The following PHGDH variants were observed in gnomAD, a reference collection of about 807,000 sequenced individuals.
The protein encoded by PHGDH is phosphoglycerate dehydrogenase.
PHGDH carries 50 observed loss-of-function variants against 52.6 expected under a neutral mutation model. The ratio of observed to expected loss-of-function variants is 0.95; its 90% CI spans 0.76 to 1.20. The LOEUF (loss-of-function observed/expected upper bound fraction) is 1.20. Ranked by LOEUF, PHGDH falls within the 50% of genes most tolerant of loss-of-function variation. The pLI, the probability that PHGDH is intolerant of heterozygous loss-of-function variation, is 0.00. For synonymous variants in PHGDH, 271 were observed against 280.5 expected (o/e 0.97, Z 0.34); for missense variants, 630 against 684.6 (o/e 0.92, Z 0.89).
chr1:119,720,437 G>A (rs1651096315), intron 1 of PHGDH: 1 of 152,232 alleles, frequency 6.6e-6, no homozygotes, highest in Non-Finnish European at 1.5e-5. Context: ...CATTTATTGA[G>A]TGCCTTCCCT....
intron 1 of PHGDH, 47 bp downstream of exon 1, chr1:119,712,207 G>C: frequency 6.3e-7 from 1 of 1,583,310 alleles, no homozygotes; most frequent in Middle Eastern, 1.9e-4. Flanking sequence ...AACCTCCATG[G>C]AAAAAGGCTG....
At chr1:119,735,088 T>C in intron 6 of PHGDH, 1 of 702,662 alleles carries the variant, frequency 1.4e-6, no homozygotes, top group South Asian at 1.7e-5. Flanking sequence ...AAGATGTTTC[T>C]AAACTGAGTC....
In PHGDH at chr1:119,742,824, C is replaced by T. The variant is rs768582720; in HGVS notation, c.1227C>T (p.Ser409=). The change falls in exon 11 of 12, where the codon AGC becomes AGT. Residue 409 remains serine, a synonymous_variant. Coordinates refer to ENST00000641023, the MANE Select transcript of PHGDH (RefSeq NM_006623.4). ...CCACACAGGTCACCACCTCCCACAG[C>T]CCTGCTGCACCAGGGGAGCAAGGCT... ...EAGLNVTTSH[S]PAAPGEQGFG... The T allele has an allele frequency of 4.3e-6, 7 of 1,610,446 alleles. No individual in the cohort carries two copies. In the Admixed American group the frequency reaches 1.0e-4, roughly 23 times the overall value.
In PHGDH at chr1:119,721,300, G is replaced by A; in HGVS notation, c.269G>A (p.Arg90Lys). Residue 90 changes from arginine (R) to lysine (K), a missense_variant, in exon 2 of 12, where the codon AGG (arginine) becomes AAG (lysine). Physicochemically the swap from Arg to Lys is conservative, Grantham distance 26. Transcript: ENST00000641023. ...AATGTGGATCTGGAGGCCGCAACAA[G>A]GAAGGGCATCTTGGTTATGAAGTAA... is the stretch of plus-strand genomic sequence containing the variant. ...VDNVDLEAAT[R>K]KGILVMNTPN... is the part of the protein sequence containing the mutation. 1.2e-6 allele frequency: 2 copies of A among 1,614,134 alleles called. No individual in the cohort carries two copies. Among genetic ancestry groups the A allele is most frequent in the South Asian group, 2.2e-5 (2 of 91,084 alleles).
chr1:119,743,122 C>T lies in PHGDH; in HGVS notation c.1447+78C>T, dbSNP rs587724277. 3.8e-5 allele frequency: 34 copies of T among 899,444 alleles called. 1 individual carries two copies. The South Asian group carries it at 3.8e-4, about 10-fold the overall frequency. The allele number at this position is 899,444 out of a possible 1,614,324, so 55.7% of individuals were successfully genotyped here. ...TGCCCTGGAATTGAACTCTACCCAC[C>T]TTCCTTTAGCCCCTCTTCATGTCCC... On this transcript the variant is annotated intron_variant, in intron 11 of 11. Coordinates refer to ENST00000641023, the MANE Select transcript of PHGDH (RefSeq NM_006623.4).
chr1:119,712,299 A>C, intron 1 of PHGDH, 139 bp downstream of exon 1: 14 of 707,840 alleles, frequency 2.0e-5, no homozygotes, highest in East Asian at 3.1e-5. Flanking sequence ...GGGGGTAGAG[A>C]AGAACGGGGG....
At chr1:119,743,239 C>A (rs1652295108) in intron 11 of PHGDH, among the ~76,000 whole-genome samples, 195 bp downstream of exon 11, 1 of 152,236 alleles carries the variant, frequency 6.6e-6, no homozygotes, top group African/African-American at 2.4e-5. Context: ...AGGGAAAGTG[C>A]CTTATCCAGG....
intron 5 of PHGDH, among the ~76,000 whole-genome samples, chr1:119,731,613 T>C (rs1651695541): frequency 6.6e-6 from 1 of 152,190 alleles, no homozygotes; most frequent in Non-Finnish European, 1.5e-5. Context: ...GTGCTTGAAA[T>C]GACTCTGCAG....
intron 5 of PHGDH, 64 bp from the exon 6 acceptor site, chr1:119,734,570 C>A: frequency 6.8e-7 from 1 of 1,460,302 alleles, no homozygotes; most frequent in Non-Finnish European, 9.6e-7. Context: ...GTTTGCCATT[C>A]TTAATAATAA....
chr1:119,743,360 A>T (rs1160049748), intron 11 of PHGDH, among the ~76,000 whole-genome samples: 12 of 152,326 alleles, frequency 7.9e-5, no homozygotes, highest in Admixed American at 7.8e-4. Flanking sequence ...GCCATAGCCC[A>T]GGAGCTCAGG....
Position 119,743,885 on chromosome 1 carries a change from G to T in PHGDH, c.1448-1G>T. 1 of 1,612,022 alleles carries T rather than the reference G, an allele frequency of 6.2e-7. No individual in the cohort carries two copies. Among genetic ancestry groups the T allele is most frequent in the South Asian group, 1.1e-5 (1 of 91,042 alleles). On this transcript the variant is annotated splice_acceptor_variant, in intron 11 of 11. Coordinates refer to ENST00000641023, the MANE Select transcript of PHGDH (RefSeq NM_006623.4). LOFTEE classifies it high-confidence loss of function. ...CAACCAGGAGTTTCTTCTATTTCCA[G>T]GCCTCCTGGCAGAGGCAGGCGTGCG...
chr1:119,720,745 G>T, intron 1 of PHGDH: 1 of 243,390 alleles, frequency 4.1e-6, no homozygotes, highest in Non-Finnish European at 8.2e-6. Context: ...CAGCAGGCAG[G>T]AACTCCCATT....
chr1:119,731,881 G>A (rs1014026063), intron 5 of PHGDH, among the ~76,000 whole-genome samples: 27 of 152,276 alleles, frequency 1.8e-4, no homozygotes, highest in African/African-American at 6.0e-4. Flanking sequence ...GTGTTACCTG[G>A]AATGCTTACT....
At chr1:119,722,177 G>A (rs1023569667) in intron 2 of PHGDH, among the ~76,000 whole-genome samples, 2 of 152,178 alleles carry the variant, frequency 1.3e-5, no homozygotes, top group Admixed American at 1.3e-4. Flanking sequence ...CCCAGAGGCA[G>A]CCAGGCCCCA....
chr1:119,721,613 G>A (rs1035971095), intron 2 of PHGDH: 4 of 355,140 alleles, frequency 1.1e-5, no homozygotes, highest in South Asian at 4.0e-5. Flanking sequence ...CACCCCATGC[G>A]CAGTTGCTTG....
intron 9 of PHGDH, among the ~76,000 whole-genome samples, 177 bp downstream of exon 9, chr1:119,740,695 TA>T (rs759500185): frequency 6.6e-6 from 1 of 152,266 alleles, no homozygotes; most frequent in Non-Finnish European, 1.5e-5. Flanking sequence ...AGGGAGGGGT[TA>T]AAAAAAGTCG....
rs1651262279 is a variant in PHGDH, at chr1:119,723,383, A to G, written c.298A>G (p.Asn100Asp). The change falls in exon 3 of 12, where the codon AAT becomes GAT. Residue 100 changes from asparagine (N) to aspartate (D), a missense_variant. Physicochemically the swap from Asn to Asp is conservative, Grantham distance 23. Coordinates refer to ENST00000641023, the MANE Select transcript of PHGDH (RefSeq NM_006623.4). Reference protein sequence around the residue: ...RKGILVMNTPNGNSLSAAELT... With the variant: ...RKGILVMNTPDGNSLSAAELT... The stretch of plus-strand genomic sequence containing the variant: ...CTTTTCTTTGATCTTTAGCACCCCC[A>G]ATGGGAACAGCCTCAGTGCCGCAGA... 1 of 1,613,284 alleles carries G rather than the reference A, an allele frequency of 6.2e-7. No individual in the cohort carries two copies. Among genetic ancestry groups the G allele is most frequent in the African/African-American group, 1.3e-5 (1 of 74,894 alleles).
chr1:119,737,259 C>G lies in PHGDH; in HGVS notation c.938C>G (p.Thr313Arg), dbSNP rs757082646. Residue 313 changes from threonine (T) to arginine (R), a missense_variant, in exon 8 of 12, where the codon ACG (threonine) becomes AGG (arginine). Coordinates refer to ENST00000641023, the MANE Select transcript of PHGDH (RefSeq NM_006623.4). ...GACATGGTGAAGGGGAAATCTCTCA[C>G]GGGGGTTGTAAGTATCACCACCTGG... ...FVDMVKGKSL[T>R]GVVNAQALTS... is the part of the protein sequence containing the mutation. 2.3e-5 allele frequency: 37 copies of G among 1,613,324 alleles called. No individual in the cohort carries two copies. Among genetic ancestry groups the G allele is most frequent in the Non-Finnish European group, 3.1e-5 (37 of 1,179,352 alleles).
Position 119,742,817 on chromosome 1 carries a change from C to G in PHGDH, c.1220C>G (p.Ser407Cys). The G allele has an allele frequency of 6.2e-7, 1 of 1,607,626 alleles. No homozygotes were observed. Among genetic ancestry groups the G allele is most frequent in the South Asian group, 1.1e-5 (1 of 90,292 alleles). The part of the protein sequence containing the change: ...VKEAGLNVTT[S>C]HSPAAPGEQG... ...GCCTTCTCCACACAGGTCACCACCT[C>G]CCACAGCCCTGCTGCACCAGGGGAG... is the stretch of plus-strand genomic sequence containing the variant. Residue 407 changes from serine to cysteine, a missense_variant, in exon 11 of 12, where the codon TCC becomes TGC. Coordinates refer to ENST00000641023, the MANE Select transcript of PHGDH (RefSeq NM_006623.4).
Sources: gnomAD v4.1 joint callset for allele counts (sites outside exome capture counted in the v4.1 genomes callset) on GRCh38, gnomAD v4.1.1 for gene constraint, MANE v1.5 for transcripts, NCBI Gene and HGNC (gene_info 2026-07-23, HGNC 2026-07-21) for gene names.